The following NUAK1 variants were observed in gnomAD, a reference collection of about 807,000 sequenced individuals.
NUAK1 encodes the protein NUAK family kinase 1.
A neutral mutation model predicts 56.9 loss-of-function variants in NUAK1; 26 were observed. The observed-to-expected ratio is 0.46, with a 90% CI of 0.33 to 0.63. NUAK1 has a LOEUF of 0.63. NUAK1 is among the 30% of genes least tolerant of loss of function. The pLI is 0.02. For missense variants in NUAK1, 727 were observed against 876.1 expected, an observed-to-expected ratio of 0.83 and a Z score of 2.15; for synonymous variants, 337 against 336.0, an observed-to-expected ratio of 1.00 and a Z score of -0.03.
At chr12:106,116,490 C>T (rs967421915) in intron 1 of NUAK1, among the ~76,000 whole-genome samples, 9 of 152,240 alleles carry the variant, frequency 5.9e-5, no homozygotes, top group African/African-American at 1.9e-4. Flanking sequence ...TGTTAAGCCT[C>T]TCAACCTCTC....
At chr12:106,089,196 G>A (rs1398414515) in intron 2 of NUAK1, among the ~76,000 whole-genome samples, 1 of 152,254 alleles carries the variant, frequency 6.6e-6, no homozygotes, top group Non-Finnish European at 1.5e-5. Flanking sequence ...TAAAAAGGAG[G>A]GATGTAGGAA....
chr12:106,070,256 T>C (rs1427565014), intron 6 of NUAK1, among the ~76,000 whole-genome samples: 2 of 152,132 alleles, frequency 1.3e-5, no homozygotes, highest in Non-Finnish European at 2.9e-5. Flanking sequence ...GTGAAAGAGA[T>C]GATTTCATGG....
At chr12:106,105,543 G>A (rs1026201509) in intron 2 of NUAK1, among the ~76,000 whole-genome samples, 7 of 152,104 alleles carry the variant, frequency 4.6e-5, no homozygotes, top group Admixed American at 1.3e-4. Flanking sequence ...AAAGATGCAC[G>A]AGACAACAAA....
At chr12:106,089,503 C>T (rs186250093) in intron 2 of NUAK1, among the ~76,000 whole-genome samples, 79 of 152,322 alleles carry the variant, frequency 5.2e-4, no homozygotes, top group African/African-American at 1.7e-3. Context: ...CAATATATCC[C>T]GAGTCTGGCC....
intron 1 of NUAK1, among the ~76,000 whole-genome samples, chr12:106,120,863 G>A (rs1307692576): frequency 1.3e-5 from 2 of 152,150 alleles, no homozygotes; most frequent in African/African-American, 4.8e-5. Context: ...GTCCCATCTT[G>A]ACCAGGCATG....
intron 4 of NUAK1, among the ~76,000 whole-genome samples, chr12:106,073,784 C>T (rs1306506214): frequency 6.6e-6 from 1 of 151,790 alleles, no homozygotes; most frequent in African/African-American, 2.4e-5. Context: ...CACCACTGCA[C>T]TCCAGCCTGG....
At chr12:106,104,974 AAC>A (rs1402446371) in intron 2 of NUAK1, among the ~76,000 whole-genome samples, 1 of 150,946 alleles carries the variant, frequency 6.6e-6, no homozygotes, top group Admixed American at 6.6e-5. Context: ...TTTTTTTTTA[AAC>A]AGAGTCTCAC....
At chr12:106,090,499 G>T (rs1181521945) in intron 2 of NUAK1, among the ~76,000 whole-genome samples, 1 of 152,152 alleles carries the variant, frequency 6.6e-6, no homozygotes, top group African/African-American at 2.4e-5. Flanking sequence ...GGTACTATGA[G>T]GATCCCCATT....
At chr12:106,075,370 C>A (rs987042609) in intron 4 of NUAK1, among the ~76,000 whole-genome samples, 2 of 150,900 alleles carry the variant, frequency 1.3e-5, no homozygotes, top group Non-Finnish European at 2.9e-5. Context: ...ACTTAGGCTT[C>A]GGCTCTAAGA....
At chr12:106,111,677 C>T (rs1217746042) in intron 1 of NUAK1, among the ~76,000 whole-genome samples, 3 of 152,076 alleles carry the variant, frequency 2.0e-5, no homozygotes, top group Non-Finnish European at 2.9e-5. Context: ...TGATGCCAGC[C>T]CCAGGGACCA....
intron 1 of NUAK1, among the ~76,000 whole-genome samples, chr12:106,132,816 C>T (rs2033092358): frequency 6.6e-6 from 1 of 152,184 alleles, no homozygotes; most frequent in African/African-American, 2.4e-5. Context: ...CAAGCCAGCA[C>T]ACCAAACTGA....
At chr12:106,105,087 G>A (rs2032787853) in intron 2 of NUAK1, among the ~76,000 whole-genome samples, 1 of 151,884 alleles carries the variant, frequency 6.6e-6, no homozygotes, top group South Asian at 2.1e-4. Flanking sequence ...CTGAGTAGCT[G>A]GGACTACAGG....
chr12:106,084,052 G>T, intron 3 of NUAK1, 123 bp from the exon 4 acceptor site: 1 of 823,422 alleles, frequency 1.2e-6, no homozygotes, highest in Non-Finnish European at 2.0e-6. Context: ...GCACCAGCCC[G>T]GTGGTCTTCA....
At chr12:106,127,359 G>A (rs1010777986) in intron 1 of NUAK1, among the ~76,000 whole-genome samples, 3 of 151,934 alleles carry the variant, frequency 2.0e-5, no homozygotes, top group Admixed American at 6.6e-5. Flanking sequence ...AGAGATGAGG[G>A]AGTCTCACTG....
Position 106,118,163 on chromosome 12 carries a change from G to A in NUAK1, c.241-11638C>T, listed in dbSNP as rs146813096. On this transcript the variant is annotated intron_variant, in intron 1 of 6. Transcript: ENST00000261402. Reference sequence around the variant, plus strand: ...GAGGCAATACCATGCTGTATGAATGGCCTCCCACCTATAGATACAATGTCA... The same window carrying A: ...GAGGCAATACCATGCTGTATGAATGACCTCCCACCTATAGATACAATGTCA... Among the ~76,000 whole-genome samples, 1,348 of 152,168 alleles carry A rather than the reference G, an allele frequency of 8.9e-3. 18 individuals carry two copies. Among genetic ancestry groups the A allele is most frequent in the Non-Finnish European group, 0.012 (849 of 68,018 alleles).
intron 1 of NUAK1, among the ~76,000 whole-genome samples, chr12:106,108,731 G>T (rs1191252140): frequency 1.3e-5 from 2 of 152,190 alleles, no homozygotes; most frequent in Non-Finnish European, 2.9e-5. Flanking sequence ...CCTCAAGGAG[G>T]CTCTATTGTC....
At chr12:106,134,652 C>A (rs995924706) in intron 1 of NUAK1, among the ~76,000 whole-genome samples, 2 of 152,186 alleles carry the variant, frequency 1.3e-5, no homozygotes, top group Admixed American at 6.5e-5. Flanking sequence ...AATTGTGTGG[C>A]TTTGGTTTTG....
intron 6 of NUAK1, 125 bp downstream of exon 6, chr12:106,070,649 G>T: frequency 7.8e-7 from 1 of 1,283,766 alleles, no homozygotes; most frequent in Non-Finnish European, 1.1e-6. Context: ...GACACTTCTG[G>T]GAAGAAGAAA....
intron 2 of NUAK1, among the ~76,000 whole-genome samples, chr12:106,104,849 A>G (rs1432012056): frequency 6.6e-6 from 1 of 152,194 alleles, no homozygotes; most frequent in Non-Finnish European, 1.5e-5. Context: ...CCAGATGAAA[A>G]ACGAAAACTA....
Sources: allele counts gnomAD v4.1 joint callset (sites outside exome capture counted in the v4.1 genomes callset), GRCh38; gene constraint gnomAD v4.1.1; transcripts MANE v1.5; gene names NCBI Gene and HGNC (gene_info 2026-07-23, HGNC 2026-07-21).